The following ENTREP2 variants were observed in gnomAD, a reference collection of about 807,000 sequenced individuals.
ENTREP2 encodes the protein endosomal transmembrane epsin interactor 2.
chr15:29,391,853 C>T, the ENTREP2 span, among the ~76,000 whole-genome samples: 3 of 152,216 alleles, frequency 2.0e-5, no homozygotes, highest in African/African-American at 7.2e-5. Flanking sequence ...GAGACAGAGT[C>T]TGGCTCTATC....
the ENTREP2 span, among the ~76,000 whole-genome samples, chr15:29,330,088 A>G: frequency 1.3e-5 from 2 of 152,280 alleles, no homozygotes; most frequent in South Asian, 4.1e-4. Context: ...CTAGGTGATC[A>G]AGTCAACATC....
At chr15:29,269,176 C>T in the ENTREP2 span, 2 of 1,613,998 alleles carry the variant, frequency 1.2e-6, no homozygotes, top group South Asian at 1.1e-5. Context: ...CATCAGGAGG[C>T]CCGTAGTGGG....
chr15:29,321,481 C>T, the ENTREP2 span, among the ~76,000 whole-genome samples: 16 of 151,782 alleles, frequency 1.1e-4, no homozygotes, highest in Non-Finnish European at 2.1e-4. Context: ...AATCCCATCT[C>T]AACAAACAAA....
the ENTREP2 span, among the ~76,000 whole-genome samples, chr15:29,243,703 A>G: frequency 6.6e-6 from 1 of 152,216 alleles, no homozygotes; most frequent in Non-Finnish European, 1.5e-5. Context: ...TGAACTGTAA[A>G]AGAATATTAT....
At chr15:29,391,301 T>A in the ENTREP2 span, among the ~76,000 whole-genome samples, 1 of 151,644 alleles carries the variant, frequency 6.6e-6, no homozygotes, top group African/African-American at 2.4e-5. Context: ...GGTCCAAACA[T>A]CCTCCACACC....
chr15:29,638,245 G>C, the ENTREP2 span, among the ~76,000 whole-genome samples: 1 of 152,234 alleles, frequency 6.6e-6, no homozygotes, highest in Non-Finnish European at 1.5e-5. Flanking sequence ...AGCTCTTCCA[G>C]CTAAGGGCTT....
chr15:29,432,739 T>G, the ENTREP2 span, among the ~76,000 whole-genome samples: 1 of 152,084 alleles, frequency 6.6e-6, no homozygotes, highest in South Asian at 2.1e-4. Context: ...TGTCCCAGCA[T>G]AGCTTCACCC....
chr15:29,663,311 G>A, the ENTREP2 span, among the ~76,000 whole-genome samples: 5 of 152,040 alleles, frequency 3.3e-5, no homozygotes, highest in African/African-American at 1.2e-4. Context: ...CCTGAGGTCA[G>A]GAGTTCGAGA....
At chr15:29,523,310 C>T in the ENTREP2 span, among the ~76,000 whole-genome samples, 1 of 152,050 alleles carries the variant, frequency 6.6e-6, no homozygotes. Flanking sequence ...GTGCAATAAA[C>T]AATCAAAAAC....
chr15:29,124,937 C>A, the ENTREP2 span, among the ~76,000 whole-genome samples: 1 of 152,230 alleles, frequency 6.6e-6, no homozygotes, highest in Non-Finnish European at 1.5e-5. Flanking sequence ...GCTGGCCAGG[C>A]CTGCCGTGGG....
the ENTREP2 span, among the ~76,000 whole-genome samples, chr15:29,653,889 G>C: frequency 6.6e-6 from 1 of 152,110 alleles, no homozygotes; most frequent in Non-Finnish European, 1.5e-5. Flanking sequence ...CCAGAAATCG[G>C]AAAGAATCTG....
At chr15:29,391,607 A>G in the ENTREP2 span, among the ~76,000 whole-genome samples, 1 of 151,982 alleles carries the variant, frequency 6.6e-6, no homozygotes, top group Non-Finnish European at 1.5e-5. Context: ...TTCTCTCTTA[A>G]GTGCTTGGTA....
At chr15:29,375,738 C>T in the ENTREP2 span, 1 of 152,088 alleles carries the variant, frequency 6.6e-6, no homozygotes, top group South Asian at 2.1e-4. Context: ...GATGATGAGA[C>T]CCCAGGGTTG....
chr15:29,623,589 A>C, the ENTREP2 span, among the ~76,000 whole-genome samples: 1 of 152,212 alleles, frequency 6.6e-6, no homozygotes. Flanking sequence ...CAACGCCATC[A>C]GAACAATACA....
At chr15:29,259,428 AC>A in the ENTREP2 span, among the ~76,000 whole-genome samples, 1 of 151,930 alleles carries the variant, frequency 6.6e-6, no homozygotes, top group African/African-American at 2.4e-5. Context: ...CCCCTAAAGT[AC>A]CTGCCTGAGA....
the ENTREP2 span, among the ~76,000 whole-genome samples, chr15:29,311,692 C>T: frequency 1.3e-5 from 2 of 151,796 alleles, no homozygotes; most frequent in African/African-American, 4.8e-5. Flanking sequence ...TCCATCCCCC[C>T]CCCAAAAAAA....
chr15:29,207,734 C>A, the ENTREP2 span, among the ~76,000 whole-genome samples: 1 of 152,124 alleles, frequency 6.6e-6, no homozygotes, highest in African/African-American at 2.4e-5. Context: ...GTCCAGCTGG[C>A]TTCACCTCTC....
At chr15:29,354,946 T>G in the ENTREP2 span, among the ~76,000 whole-genome samples, 6 of 152,294 alleles carry the variant, frequency 3.9e-5, no homozygotes, top group South Asian at 1.2e-3. Flanking sequence ...TGGAGGCTGA[T>G]CTTGATGAGG....
At chr15:29,649,447 G>A in the ENTREP2 span, among the ~76,000 whole-genome samples, 13 of 152,238 alleles carry the variant, frequency 8.5e-5, 1 homozygote, top group African/African-American at 2.9e-4. Flanking sequence ...TGGGCCAGGC[G>A]CGATGGCTCA....
Sources: allele counts gnomAD v4.1 joint callset (sites outside exome capture counted in the v4.1 genomes callset), GRCh38; gene constraint gnomAD v4.1.1; transcripts MANE v1.5; gene names NCBI Gene and HGNC (gene_info 2026-07-23, HGNC 2026-07-21).